The following CTNND2 variants were observed in gnomAD, a reference collection of about 807,000 sequenced individuals.
CTNND2 encodes catenin delta-2.
In CTNND2, 22 loss-of-function variants were observed where a neutral mutation model predicts 144.4. The observed-to-expected ratio is 0.15, with a 90% CI of 0.11 to 0.22. The LOEUF is 0.22. CTNND2 is among the 10% of genes least tolerant of loss of function. The pLI is 1.00. For missense variants in CTNND2, 1,353 were observed against 1,618.8 expected, an observed-to-expected ratio of 0.84 and a Z score of 2.82; for synonymous variants, 751 against 695.6, an observed-to-expected ratio of 1.08 and a Z score of -1.25.
intron 11 of CTNND2, among the ~76,000 whole-genome samples, chr5:11,190,911 G>A (rs887419258): frequency 2.0e-5 from 3 of 152,198 alleles, no homozygotes; most frequent in African/African-American, 7.2e-5. Flanking sequence ...TAGAAGGCAG[G>A]CAGGATTCAA....
chr5:11,285,938 T>C (rs1197764338), intron 9 of CTNND2, among the ~76,000 whole-genome samples: 2 of 152,212 alleles, frequency 1.3e-5, no homozygotes, highest in African/African-American at 2.4e-5. Flanking sequence ...TAAGAGAGCA[T>C]AGGTGGATGC....
At chr5:11,390,271 G>T (rs925699791) in intron 6 of CTNND2, among the ~76,000 whole-genome samples, 1 of 152,168 alleles carries the variant, frequency 6.6e-6, no homozygotes, top group East Asian at 1.9e-4. Context: ...TAAGAATATG[G>T]CACTCTTAAA....
intron 3 of CTNND2, among the ~76,000 whole-genome samples, chr5:11,517,682 A>T (rs1772299270): frequency 6.6e-6 from 1 of 152,150 alleles, no homozygotes; most frequent in African/African-American, 2.4e-5. Flanking sequence ...TGCAGGGCAT[A>T]AAACCTAGAT....
At chr5:11,488,684 T>G (rs249239) in intron 3 of CTNND2, among the ~76,000 whole-genome samples, 31,814 of 152,006 alleles carry the variant, frequency 0.21, 4,109 homozygotes, top group African/African-American at 0.36. Context: ...TACCTAAAAA[T>G]TTCCCTCATG....
intron 1 of CTNND2, among the ~76,000 whole-genome samples, chr5:11,741,857 A>C (rs1399930134): frequency 6.7e-6 from 1 of 149,704 alleles, no homozygotes; most frequent in Non-Finnish European, 1.5e-5. Context: ...ATATAATGGA[A>C]TACTACTCAG....
chr5:11,401,462 T>C (rs1190752816), intron 5 of CTNND2, among the ~76,000 whole-genome samples: 2 of 152,176 alleles, frequency 1.3e-5, no homozygotes, highest in Non-Finnish European at 2.9e-5. Flanking sequence ...ACCACACTAA[T>C]GGAGTATCTG....
intron 8 of CTNND2, among the ~76,000 whole-genome samples, chr5:11,354,336 C>G (rs923688508): frequency 2.0e-5 from 3 of 152,130 alleles, no homozygotes; most frequent in African/African-American, 7.2e-5. Context: ...ATCCAAATGT[C>G]CACTGCTGAA....
chr5:11,514,203 A>AAAAAG (rs1771930953), intron 3 of CTNND2, among the ~76,000 whole-genome samples: 1 of 24,640 alleles, frequency 4.1e-5, no homozygotes, highest in Non-Finnish European at 7.8e-5. Context: ...AAAGAAAAAG[A>AAAAAG]AAAAAAAAAT....
chr5:11,144,668 G>A (rs1184152324), intron 12 of CTNND2, among the ~76,000 whole-genome samples: 1 of 152,112 alleles, frequency 6.6e-6, no homozygotes. Flanking sequence ...TTGAGTTGGT[G>A]GGAAGAAGCT....
intron 1 of CTNND2, among the ~76,000 whole-genome samples, chr5:11,859,990 G>A (rs1795428448): frequency 6.6e-6 from 1 of 152,044 alleles, no homozygotes; most frequent in South Asian, 2.1e-4. Flanking sequence ...CAAAATAAGG[G>A]AGAAAAAATA....
intron 7 of CTNND2, among the ~76,000 whole-genome samples, chr5:11,365,665 G>A (rs1756908577): frequency 6.6e-6 from 1 of 152,198 alleles, no homozygotes; most frequent in Admixed American, 6.5e-5. Flanking sequence ...CTATGGACCA[G>A]AGAATCACGA....
chr5:11,082,052 T>G (rs1179107753), intron 16 of CTNND2, among the ~76,000 whole-genome samples: 3 of 152,218 alleles, frequency 2.0e-5, no homozygotes, highest in Non-Finnish European at 4.4e-5. Context: ...ATTTTGTGAT[T>G]CATTTGTTTA....
intron 11 of CTNND2, among the ~76,000 whole-genome samples, chr5:11,181,675 G>T (rs1475980381): frequency 6.6e-6 from 1 of 151,644 alleles, no homozygotes; most frequent in Non-Finnish European, 1.5e-5. Context: ...GTGTGTCTGT[G>T]TGTGTGTCTG....
At chr5:11,650,399 A>C (rs954136631) in intron 2 of CTNND2, among the ~76,000 whole-genome samples, 4 of 152,294 alleles carry the variant, frequency 2.6e-5, no homozygotes, top group South Asian at 2.1e-4. Context: ...GTAGTCCTTT[A>C]TAGCAATGCA....
intron 9 of CTNND2, among the ~76,000 whole-genome samples, chr5:11,242,391 A>G (rs554093501): frequency 6.6e-6 from 1 of 152,330 alleles, no homozygotes; most frequent in East Asian, 1.9e-4. Flanking sequence ...ATAGCCATAA[A>G]ACTATGTTGC....
intron 9 of CTNND2, among the ~76,000 whole-genome samples, chr5:11,240,513 A>C (rs1742222230): frequency 7.2e-6 from 1 of 139,376 alleles, no homozygotes; most frequent in African/African-American, 2.7e-5. Context: ...CACCCAACAC[A>C]CACACACCCA....
intron 10 of CTNND2, among the ~76,000 whole-genome samples, chr5:11,220,660 G>T (rs538637561): frequency 2.6e-5 from 4 of 152,274 alleles, no homozygotes; most frequent in South Asian, 2.1e-4. Flanking sequence ...CTATGCGAGG[G>T]TGTGCTGGGA....
intron 9 of CTNND2, among the ~76,000 whole-genome samples, chr5:11,327,346 C>G (rs545057726): frequency 6.6e-6 from 1 of 152,084 alleles, no homozygotes; most frequent in Non-Finnish European, 1.5e-5. Context: ...GGATTTGGCA[C>G]GGGCTGGAAA....
In CTNND2 at chr5:11,748,026, A is replaced by G. The variant is rs116837033; in HGVS notation, c.38-15754T>C. On this transcript the variant is annotated intron_variant, in intron 1 of 21. Coordinates refer to ENST00000304623, the MANE Select transcript of CTNND2 (RefSeq NM_001332.4). ...CAAGCACAAAAAATCTCACTCTGCA[A>G]ACAGATATCTGCACTCAGCCCATAT... 5.3e-3 allele frequency among the ~76,000 whole-genome samples: 814 copies of G among 152,290 alleles called. 13 individuals are homozygous for G. Among genetic ancestry groups the G allele is most frequent in the African/African-American group, 0.019 (784 of 41,572 alleles).
Sources: gnomAD v4.1 joint callset for allele counts (sites outside exome capture counted in the v4.1 genomes callset) on GRCh38, gnomAD v4.1.1 for gene constraint, MANE v1.5 for transcripts, NCBI Gene and HGNC (gene_info 2026-07-23, HGNC 2026-07-21) for gene names.